Variants in KCNQ1 observed in about 807,000 individuals in gnomAD.
The protein encoded by KCNQ1 is potassium voltage-gated channel subfamily KQT member 1.
A neutral mutation model predicts 72.4 loss-of-function variants in KCNQ1; 49 were observed. The observed-to-expected ratio is 0.68, with a 90% CI of 0.54 to 0.86. The LOEUF (loss-of-function observed/expected upper bound fraction) is 0.86. Among genes scored for constraint, KCNQ1 ranks in the 40% least tolerant of loss-of-function variants. The probability of loss-of-function intolerance (pLI) is 0.00; values close to 1 mark genes in which losing one functional copy is unlikely to be tolerated. For synonymous variants in KCNQ1, 450 were observed against 412.6 expected, an observed-to-expected ratio of 1.09 and a Z score of -1.10; for missense variants, 790 against 945.1, an observed-to-expected ratio of 0.84 and a Z score of 2.15.
chr11:2,815,751 G>A lies in KCNQ1; in HGVS notation c.1795-32016G>A, dbSNP rs1463878449. On this transcript the variant is annotated intron_variant, in intron 15 of 15. Coordinates refer to ENST00000155840, the MANE Select transcript of KCNQ1 (RefSeq NM_000218.3). This position sits in a 1 kb window ranked among gnomAD's most constrained non-coding sequence, Gnocchi z 5.4. ...AGGGTGGGAGCAGACACGGGAGTAG[G>A]ATGGGGGCCCTGGAGGTACTGGGTG... 6.6e-6 allele frequency among the ~76,000 whole-genome samples: 1 copy of A among 152,062 alleles called. No individual in the cohort carries two copies. Among genetic ancestry groups the A allele is most frequent in the African/African-American group, 2.4e-5 (1 of 41,378 alleles).
At position 2,817,601 on chromosome 11, in the gene KCNQ1, A is replaced by ATGCTGGGCAGAG. The variant is rs1261022019; in HGVS notation, c.1795-30166_1795-30165insTGCTGGGCAGAG. Among the ~76,000 whole-genome samples the ATGCTGGGCAGAG allele has an allele frequency of 7.5e-6, 1 of 133,686 alleles. No homozygotes were observed. Among genetic ancestry groups the ATGCTGGGCAGAG allele is most frequent in the Non-Finnish European group, 1.7e-5 (1 of 57,986 alleles). 87.7% of individuals were successfully genotyped at this position (133,686 alleles called of 152,430 possible). A position where few individuals can be genotyped will look rare whatever the true frequency, so the allele number is the denominator to read the frequency against. ...ATGTCCCTGGCCAGGGAGGTGGAGG[A>ATGCTGGGCAGAG]CGCTGGGCAGAGCCCTGGGCATTAA... On this transcript the variant is annotated intron_variant, in intron 15 of 15. Transcript: ENST00000155840. This position sits in a 1 kb window ranked among gnomAD's most constrained non-coding sequence, Gnocchi z 6.1.
At chr11:2,454,782 C>A (rs1016605365) in intron 1 of KCNQ1, among the ~76,000 whole-genome samples, 4 of 152,138 alleles carry the variant, frequency 2.6e-5, no homozygotes, top group African/African-American at 9.7e-5. Context: ...TCAATAAGAG[C>A]CATCTATGAC....
At chr11:2,499,631 G>A (rs933698010) in intron 1 of KCNQ1, among the ~76,000 whole-genome samples, 53 of 151,108 alleles carry the variant, frequency 3.5e-4, no homozygotes, top group Middle Eastern at 3.2e-3. Flanking sequence ...AAGATATTCC[G>A]TGCCAATAGA....
intron 10 of KCNQ1, chr11:2,619,126 G>C (rs1455580211): frequency 7.5e-6 from 3 of 398,360 alleles, no homozygotes; most frequent in African/African-American, 2.1e-5. Context: ...TTCATATAAA[G>C]ATAATATTAC....
rs953052055 is a variant in KCNQ1, at chr11:2,768,404, T to C, written c.1515-440T>C. On this transcript the variant is annotated intron_variant, in intron 11 of 15. Transcript: ENST00000155840. The surrounding 1 kb of genome is among the most constrained non-coding windows in gnomAD (Gnocchi z 6.7). ...CCTACTTTCCCAAGCGCTTGCTGTT[T>C]GTGGGGCTACAGGACACAGCAGCTG... 3.3e-5 allele frequency among the ~76,000 whole-genome samples: 5 copies of C among 152,196 alleles called. No homozygotes were observed. The highest frequency in any genetic ancestry group is 1.2e-4 in the African/African-American group (5 of 41,460).
chr11:2,461,155 G>A lies in KCNQ1; in HGVS notation c.386+15671G>A, dbSNP rs112600033. Among the ~76,000 whole-genome samples, 2,801 of 152,300 alleles carry A rather than the reference G, an allele frequency of 0.018. 91 individuals carry two copies. Among genetic ancestry groups the A allele is most frequent in the African/African-American group, 0.065 (2,690 of 41,550 alleles). ...GAGTTTGTCCTCATGTGTCTCTGGG[G>A]CTGGAACTCGGTGTCCGACCTGGTG... On this transcript the variant is annotated intron_variant, in intron 1 of 15. Transcript: ENST00000155840.
chr11:2,649,864 T>G, intron 10 of KCNQ1: 1 of 398,582 alleles, frequency 2.5e-6, no homozygotes, highest in Non-Finnish European at 4.4e-6. Context: ...TTTTCAGGTA[T>G]TATCTTCTTA....
In KCNQ1 at chr11:2,627,888, C is replaced by G. The variant is rs927539858; in HGVS notation, c.1394-34073C>G. On this transcript the variant is annotated intron_variant, in intron 10 of 15. Coordinates refer to ENST00000155840, the MANE Select transcript of KCNQ1 (RefSeq NM_000218.3). This position sits in a 1 kb window ranked among gnomAD's most constrained non-coding sequence, Gnocchi z 4.9. ...GCCTCAGCCTCCTGAGTAGCTGGGA[C>G]CACAGTCATGCACCCCCATGCCCAG... is the stretch of plus-strand genomic sequence containing the variant. 20 of 398,630 alleles carry G rather than the reference C, an allele frequency of 5.0e-5. No homozygotes were observed. The highest frequency in any genetic ancestry group is 1.3e-3 in the Middle Eastern group (2 of 1,590). 24.7% of individuals were successfully genotyped at this position (398,630 alleles called of 1,614,324 possible). A position where few individuals can be genotyped will look rare whatever the true frequency, so the allele number is the denominator to read the frequency against.
chr11:2,733,822 A>ACTCTCTCTCT (rs71029156), intron 11 of KCNQ1, among the ~76,000 whole-genome samples: 1 of 92,426 alleles, frequency 1.1e-5, no homozygotes, highest in Non-Finnish European at 2.1e-5. Flanking sequence ...ACACTCTCTC[A>ACTCTCTCTCT]CTCTCTCTCT....
rs1180450578 is a variant in KCNQ1, at chr11:2,608,668, T to C, written c.1393+19814T>C. On this transcript the variant is annotated intron_variant, in intron 10 of 15. Coordinates refer to ENST00000155840, the MANE Select transcript of KCNQ1 (RefSeq NM_000218.3). This position sits in a 1 kb window ranked among gnomAD's most constrained non-coding sequence, Gnocchi z 4.6. Reference sequence around the variant, plus strand: ...TTGTAGAGATAGGGTCTTGCTTTGTTGTGCATGCTATTCTTGAACTCCTGG... The same window carrying C: ...TTGTAGAGATAGGGTCTTGCTTTGTCGTGCATGCTATTCTTGAACTCCTGG... The C allele has an allele frequency of 2.8e-5, 11 of 398,494 alleles. No homozygotes were observed. The highest frequency in any genetic ancestry group is 4.4e-6 in the Non-Finnish European group (1 of 226,086). 24.7% of individuals were successfully genotyped at this position (398,494 alleles called of 1,614,324 possible). A position where few individuals can be genotyped will look rare whatever the true frequency, so the allele number is the denominator to read the frequency against.
At chr11:2,688,172 C>T (rs1288998568) in intron 11 of KCNQ1, 4 of 398,688 alleles carry the variant, frequency 1.0e-5, no homozygotes, top group African/African-American at 8.2e-5. Context: ...CCTCTGCAGA[C>T]AGCTCCCAAG....
rs539065952 is a variant in KCNQ1 at position 2,781,750 on chromosome 11, G to T, written c.1794+3713G>T. 6.6e-6 allele frequency among the ~76,000 whole-genome samples: 1 copy of T among 152,350 alleles called. No homozygotes were observed. The highest frequency in any genetic ancestry group is 2.4e-5 in the African/African-American group (1 of 41,580). On this transcript the variant is annotated intron_variant, in intron 15 of 15. Transcript: ENST00000155840. The surrounding 1 kb of genome is among the most constrained non-coding windows in gnomAD (Gnocchi z 6.6). ...CTTTTGCTGATATGAGGAGCACAGT[G>T]GGCTGGGAGAGTTTCTTTCTTCTCT... is the stretch of plus-strand genomic sequence containing the variant.
At chr11:2,618,706 T>C (rs1275219015) in intron 10 of KCNQ1, 1 of 398,460 alleles carries the variant, frequency 2.5e-6, no homozygotes, top group Non-Finnish European at 4.4e-6. Flanking sequence ...AAATGAACTT[T>C]AGAATTTAAA....
chr11:2,523,917 G>A (rs940511199), intron 1 of KCNQ1, among the ~76,000 whole-genome samples: 3 of 152,106 alleles, frequency 2.0e-5, no homozygotes, highest in Non-Finnish European at 4.4e-5. Flanking sequence ...GTCACTGAGA[G>A]GCTGGGGCAG....
At chr11:2,521,787 C>T (rs77059665) in intron 1 of KCNQ1, among the ~76,000 whole-genome samples, 11,666 of 152,328 alleles carry the variant, frequency 0.077, 634 homozygotes, top group African/African-American at 0.15. Flanking sequence ...GCCAGAGTCC[C>T]GGCACAGCCC....
At chr11:2,719,498 A>G (rs1024472541) in intron 11 of KCNQ1, among the ~76,000 whole-genome samples, 12 of 151,782 alleles carry the variant, frequency 7.9e-5, no homozygotes, top group Non-Finnish European at 1.5e-4. Context: ...CAAACAAACA[A>G]ACAAAAAAAA....
In KCNQ1 at chr11:2,509,831, G is replaced by A. The variant is rs956511276; in HGVS notation, c.387-18097G>A. 2.6e-5 allele frequency among the ~76,000 whole-genome samples: 4 copies of A among 152,300 alleles called. No individual in the cohort carries two copies. Among genetic ancestry groups the A allele is most frequent in the Middle Eastern group, 3.4e-3 (1 of 294 alleles). On this transcript the variant is annotated intron_variant, in intron 1 of 15. Transcript: ENST00000155840. This position sits in a 1 kb window ranked among gnomAD's most constrained non-coding sequence, Gnocchi z 6.3. ...GGAGGTGTGGACAGGGAACCCTGGC[G>A]GGGCCGGCCAATGGTGGCGTGATGC...
chr11:2,558,809 T>TG (rs1156510265), intron 2 of KCNQ1, among the ~76,000 whole-genome samples: 1 of 152,122 alleles, frequency 6.6e-6, no homozygotes, highest in Admixed American at 6.5e-5. Flanking sequence ...GCAGCCTTCA[T>TG]GGGGAGGCCA....
Position 2,515,109 on chromosome 11 carries a change from G to A in KCNQ1, c.387-12819G>A, listed in dbSNP as rs1330718475. Among the ~76,000 whole-genome samples, 3 of 152,096 alleles carry A rather than the reference G, an allele frequency of 2.0e-5. No homozygotes were observed. Among genetic ancestry groups the A allele is most frequent in the Non-Finnish European group, 4.4e-5 (3 of 68,042 alleles). On this transcript the variant is annotated intron_variant, in intron 1 of 15. Coordinates refer to ENST00000155840, the MANE Select transcript of KCNQ1 (RefSeq NM_000218.3). This position sits in a 1 kb window ranked among gnomAD's most constrained non-coding sequence, Gnocchi z 4.7. ...CGTAATGGTGGGGTTTGGGCTTCTC[G>A]TGCGCCCATCAGCCGGATATTGGAC...
Sources: gnomAD v4.1 joint callset for allele counts (sites outside exome capture counted in the v4.1 genomes callset) on GRCh38, gnomAD v4.1.1 for gene constraint, Gnocchi (gnomAD v3.1) non-coding constraint, MANE v1.5 for transcripts, NCBI Gene and HGNC (gene_info 2026-07-23, HGNC 2026-07-21) for gene names.